ITPA: variants seen among roughly 807,000 people sequenced by gnomAD.
ITPA encodes inosine triphosphate pyrophosphatase.
ITPA carries 29 observed loss-of-function variants against 29.6 expected under a neutral mutation model. That is an observed-to-expected ratio of 0.98 (90% confidence interval 0.73 to 1.34). The LOEUF is 1.34. ITPA is among the 40% of genes most tolerant of loss of function. The pLI, the probability that ITPA is intolerant of heterozygous loss-of-function variation, is 0.00. For missense variants in ITPA, 241 were observed against 251.5 expected (o/e 0.96, Z 0.28); for synonymous variants, 103 against 99.3 (o/e 1.04, Z -0.22).
intron 6 of ITPA, among the ~76,000 whole-genome samples, chr20:3,219,466 C>T (rs1056982409): frequency 4.0e-5 from 6 of 151,866 alleles, no homozygotes; most frequent in East Asian, 1.9e-4. Flanking sequence ...AAAATGAGGC[C>T]GGGCGTGATG....
upstream of ITPA, chr20:3,209,268 G>A: frequency 2.0e-6 from 1 of 507,104 alleles, no homozygotes; most frequent in African/African-American, 1.9e-5. This position sits in a 1 kb window ranked among gnomAD's most constrained non-coding sequence, Gnocchi z 4.6. Flanking sequence ...GGGGCGGGGT[G>A]GGGGTGGGAG....
chr20:3,218,942 A>G, intron 6 of ITPA: 2 of 440,418 alleles, frequency 4.5e-6, no homozygotes, highest in South Asian at 2.1e-5. Flanking sequence ...TTTCAGGGAA[A>G]CAGTTGGCTA....
At chr20:3,207,688 C>G (rs914620483), upstream of ITPA, among the ~76,000 whole-genome samples, 11 of 107,026 alleles carry the variant, frequency 1.0e-4, no homozygotes, top group Non-Finnish European at 2.3e-4. Context: ...GAGCAAGACT[C>G]CATCTCAAAA....
intron 1 of ITPA, among the ~76,000 whole-genome samples, chr20:3,211,871 A>T (rs1412465733): frequency 6.6e-6 from 1 of 152,188 alleles, no homozygotes; most frequent in Non-Finnish European, 1.5e-5. Flanking sequence ...AATAGTTTCA[A>T]ATGTACAAAA....
chr20:3,205,806 G>A (rs1443078792), upstream of ITPA, among the ~76,000 whole-genome samples: 1 of 152,194 alleles, frequency 6.6e-6, no homozygotes, highest in Admixed American at 6.5e-5. Flanking sequence ...TGTAATCCTA[G>A]CACTTTGGGA....
chr20:3,214,126 G>A, intron 4 of ITPA, 68 bp downstream of exon 4: 1 of 1,331,596 alleles, frequency 7.5e-7, no homozygotes, highest in Non-Finnish European at 1.1e-6. Flanking sequence ...AAAATGATGA[G>A]GTACCTGATA....
intron 4 of ITPA, among the ~76,000 whole-genome samples, chr20:3,214,684 A>G (rs572336076): frequency 1.2e-4 from 18 of 151,912 alleles, no homozygotes; most frequent in African/African-American, 4.4e-4. Context: ...GGTTCACGCC[A>G]TTCTCCTGTC....
chr20:3,215,368 G>T, intron 5 of ITPA, 56 bp downstream of exon 5: 1 of 1,543,620 alleles, frequency 6.5e-7, no homozygotes, highest in Non-Finnish European at 9.0e-7. Flanking sequence ...TCTGGGCTTT[G>T]TCTAGGGGAG....
downstream of ITPA, among the ~76,000 whole-genome samples, chr20:3,226,310 C>T (rs1021443420): frequency 6.6e-6 from 1 of 152,188 alleles, no homozygotes; most frequent in African/African-American, 2.4e-5. The surrounding 1 kb of genome is among the most constrained non-coding windows in gnomAD (Gnocchi z 4.4). Flanking sequence ...AAATCCCTCG[C>T]GTGGTCACAG....
chr20:3,224,174 G>T (rs146468847), downstream of ITPA, among the ~76,000 whole-genome samples: 332 of 152,276 alleles, frequency 2.2e-3, 1 homozygote, highest in African/African-American at 7.2e-3. Flanking sequence ...CATCAGAGCC[G>T]CGAAAATGTT....
At chr20:3,226,625 G>A (rs963529208), downstream of ITPA, among the ~76,000 whole-genome samples, 2 of 152,162 alleles carry the variant, frequency 1.3e-5, no homozygotes, top group African/African-American at 4.8e-5. This position sits in a 1 kb window ranked among gnomAD's most constrained non-coding sequence, Gnocchi z 4.4. Context: ...CTTCTGTTGG[G>A]GCTGCTGTCC....
intron 5 of ITPA, among the ~76,000 whole-genome samples, chr20:3,217,674 G>T (rs1259236566): frequency 6.6e-6 from 1 of 152,004 alleles, no homozygotes; most frequent in Non-Finnish European, 1.5e-5. Flanking sequence ...TTGCTATGTT[G>T]CTGGGGCTGA....
At chr20:3,204,100 C>T (rs77972333), upstream of ITPA, among the ~76,000 whole-genome samples, 3,503 of 152,268 alleles carry the variant, frequency 0.023, 130 homozygotes, top group African/African-American at 0.079. Flanking sequence ...CCGCCTCGCG[C>T]TTCTCCAGCT....
chr20:3,222,615 AGTT>A (rs562866255), intron 7 of ITPA, among the ~76,000 whole-genome samples: 13 of 152,242 alleles, frequency 8.5e-5, no homozygotes, highest in African/African-American at 3.1e-4. Context: ...TCCAAGTACC[AGTT>A]GTTCTCTGTA....
At chr20:3,204,560 C>T, upstream of ITPA, 3 of 1,575,750 alleles carry the variant, frequency 1.9e-6, no homozygotes, top group Non-Finnish European at 1.7e-6. Flanking sequence ...GCCCCGGCTG[C>T]GAGTCAGGAA....
intron 7 of ITPA, among the ~76,000 whole-genome samples, chr20:3,222,756 T>C (rs1008492174): frequency 2.1e-4 from 32 of 152,214 alleles, no homozygotes; most frequent in Non-Finnish European, 4.0e-4. Flanking sequence ...GGTGAGGACA[T>C]TGTGGAACCA....
intron 1 of ITPA, among the ~76,000 whole-genome samples, chr20:3,212,380 G>A (rs1447333968): frequency 6.6e-6 from 1 of 151,668 alleles, no homozygotes; most frequent in African/African-American, 2.4e-5. Flanking sequence ...GAGTGCAATG[G>A]TGCAATCTTG....
chr20:3,204,288 T>C (rs1039561773), upstream of ITPA, among the ~76,000 whole-genome samples: 3 of 151,522 alleles, frequency 2.0e-5, no homozygotes, highest in African/African-American at 7.3e-5. Context: ...AGGTATGGAG[T>C]TCCCGGGGGT....
chr20:3,205,715 A>C (rs2067065625), upstream of ITPA, among the ~76,000 whole-genome samples: 1 of 152,116 alleles, frequency 6.6e-6, no homozygotes, highest in African/African-American at 2.4e-5. Flanking sequence ...AATAAAAATA[A>C]ATAAAAATAA....
Sources: allele counts gnomAD v4.1 joint callset (sites outside exome capture counted in the v4.1 genomes callset), GRCh38; gene constraint gnomAD v4.1.1; non-coding constraint Gnocchi (gnomAD v3.1); transcripts MANE v1.5; gene names NCBI Gene and HGNC (gene_info 2026-07-23, HGNC 2026-07-21).